Variants in OR1J2 observed in about 807,000 individuals in gnomAD.
The protein encoded by OR1J2 is olfactory receptor 1J2.
For missense variants in OR1J2, 304 were observed against 246.1 expected, an observed-to-expected ratio of 1.24 and a Z score of -1.57; for synonymous variants, 142 against 99.7, an observed-to-expected ratio of 1.42 and a Z score of -2.52.
the OR1J2 span, chr9:122,526,750 CA>C: frequency 6.2e-7 from 1 of 1,614,100 alleles, no homozygotes; most frequent in South Asian, 1.1e-5. Flanking sequence ...AGCTTCAGGA[CA>C]GGAGTGATGT....
chr9:122,509,179 C>T (rs1156720960), upstream of OR1J2, among the ~76,000 whole-genome samples: 2 of 152,192 alleles, frequency 1.3e-5, no homozygotes, highest in Non-Finnish European at 2.9e-5. Flanking sequence ...TTGGAATGCA[C>T]CACAGCAGAT....
the OR1J2 span, among the ~76,000 whole-genome samples, chr9:122,472,298 C>T: frequency 1.0e-3 from 152 of 152,302 alleles, no homozygotes; most frequent in African/African-American, 3.5e-3. Flanking sequence ...TCTTGAGCTC[C>T]CAGCAACTGA....
chr9:122,527,076 G>A, the OR1J2 span: 1 of 1,614,204 alleles, frequency 6.2e-7, no homozygotes, highest in Non-Finnish European at 8.5e-7. Flanking sequence ...AACTGTGGAG[G>A]ACGTTAAACC....
chr9:122,494,173 G>A, the OR1J2 span, among the ~76,000 whole-genome samples: 1 of 152,120 alleles, frequency 6.6e-6, no homozygotes, highest in South Asian at 2.1e-4. Context: ...TGGGTAGAAT[G>A]TTCTATAAAT....
At chr9:122,564,621 G>C in the OR1J2 span, among the ~76,000 whole-genome samples, 1 of 152,224 alleles carries the variant, frequency 6.6e-6, no homozygotes, top group Non-Finnish European at 1.5e-5. Context: ...CCTGGAGAAT[G>C]ACAGTGGATT....
the OR1J2 span, among the ~76,000 whole-genome samples, chr9:122,569,310 TTTTAA>T: frequency 6.6e-5 from 10 of 152,224 alleles, no homozygotes; most frequent in Admixed American, 5.9e-4. Context: ...TTAAATCTGT[TTTTAA>T]TTTATCTTTT....
chr9:122,458,080 A>G, the OR1J2 span, among the ~76,000 whole-genome samples: 1 of 151,958 alleles, frequency 6.6e-6, no homozygotes, highest in Non-Finnish European at 1.5e-5. Flanking sequence ...TTGTCTGATG[A>G]AATTTCTTTA....
chr9:122,491,844 C>A, the OR1J2 span, among the ~76,000 whole-genome samples: 1 of 151,958 alleles, frequency 6.6e-6, no homozygotes, highest in South Asian at 2.1e-4. Context: ...ATAAACCACG[C>A]AGCTCATCCT....
chr9:122,454,354 T>G, the OR1J2 span, among the ~76,000 whole-genome samples: 1 of 152,052 alleles, frequency 6.6e-6, no homozygotes, highest in African/African-American at 2.4e-5. Context: ...CTGTCTCTAC[T>G]AAAAATACAA....
At chr9:122,554,238 G>A in the OR1J2 span, 1 of 1,130,856 alleles carries the variant, frequency 8.8e-7, no homozygotes, top group Non-Finnish European at 1.3e-6. Flanking sequence ...TTCTACTACT[G>A]TCATGTTGAT....
the OR1J2 span, among the ~76,000 whole-genome samples, chr9:122,451,495 T>G: frequency 6.6e-6 from 1 of 152,064 alleles, no homozygotes; most frequent in African/African-American, 2.4e-5. Flanking sequence ...TCACCTGCAT[T>G]TTTACAGGCT....
At chr9:122,474,033 A>T in the OR1J2 span, among the ~76,000 whole-genome samples, 1 of 152,186 alleles carries the variant, frequency 6.6e-6, no homozygotes, top group East Asian at 1.9e-4. Context: ...CAGTTACATA[A>T]ACTAAAAGAA....
the OR1J2 span, among the ~76,000 whole-genome samples, chr9:122,478,658 A>T: frequency 6.6e-6 from 1 of 152,236 alleles, no homozygotes; most frequent in Non-Finnish European, 1.5e-5. Context: ...GTACTATTCT[A>T]GAAGGTGGGG....
the OR1J2 span, among the ~76,000 whole-genome samples, chr9:122,562,764 G>A: frequency 6.6e-6 from 1 of 152,044 alleles, no homozygotes; most frequent in African/African-American, 2.4e-5. Flanking sequence ...TGAGAATATG[G>A]GTATTGGTCC....
chr9:122,538,462 A>AT, the OR1J2 span, among the ~76,000 whole-genome samples: 21,739 of 152,000 alleles, frequency 0.14, 1,802 homozygotes, highest in East Asian at 0.33. Flanking sequence ...GATGCAACTG[A>AT]TTTTTTGTGC....
At chr9:122,541,669 TA>T in the OR1J2 span, among the ~76,000 whole-genome samples, 1 of 152,168 alleles carries the variant, frequency 6.6e-6, no homozygotes, top group Non-Finnish European at 1.5e-5. Context: ...TACAGAATAT[TA>T]AAAGAATTTT....
At chr9:122,555,988 A>G in the OR1J2 span, among the ~76,000 whole-genome samples, 1 of 152,328 alleles carries the variant, frequency 6.6e-6, no homozygotes, top group African/African-American at 2.4e-5. Flanking sequence ...ATCATACAGA[A>G]TAGTTTCACT....
chr9:122,534,969 A>C, the OR1J2 span, among the ~76,000 whole-genome samples: 10,093 of 152,226 alleles, frequency 0.066, 447 homozygotes, highest in South Asian at 0.22. Flanking sequence ...GCATTGTAGA[A>C]TAAAATAAGG....
At chr9:122,520,516 A>G in the OR1J2 span, among the ~76,000 whole-genome samples, 3 of 152,194 alleles carry the variant, frequency 2.0e-5, no homozygotes, top group Non-Finnish European at 2.9e-5. Context: ...AAGAAACTAT[A>G]TAGTACCCTT....
Sources: allele counts gnomAD v4.1 joint callset (sites outside exome capture counted in the v4.1 genomes callset), GRCh38; gene constraint gnomAD v4.1.1; transcripts MANE v1.5; gene names NCBI Gene and HGNC (gene_info 2026-07-23, HGNC 2026-07-21).